The following KLF8 variants were observed in gnomAD, a reference collection of about 807,000 sequenced individuals.
KLF8 encodes KLF transcription factor 8.
KLF8 carries 10 observed loss-of-function variants against 18.2 expected under a neutral mutation model. The ratio of observed to expected loss-of-function variants is 0.55; its 90% CI spans 0.34 to 0.93. KLF8 has a LOEUF of 0.93. Among genes scored for constraint, KLF8 ranks in the 40% least tolerant of loss-of-function variants. The pLI is 0.02. For missense variants in KLF8, 264 were observed against 277.9 expected, an observed-to-expected ratio of 0.95 and a Z score of 0.36; for synonymous variants, 109 against 97.3, an observed-to-expected ratio of 1.12 and a Z score of -0.71.
At chrX:56,036,327 C>T in the KLF8 span, among the ~76,000 whole-genome samples, 2 of 111,434 alleles carry the variant, frequency 1.8e-5, no homozygotes, top group South Asian at 7.4e-4. Flanking sequence ...ACATTAAGGT[C>T]TCTGATCCAT....
At position 56,284,350 on chromosome X, in the gene KLF8, C is replaced by A; in HGVS notation, c.936C>A (p.Ser312=). The A allele has an allele frequency of 8.5e-7, 1 of 1,181,016 alleles. No individual in the cohort carries two copies. The highest frequency in any genetic ancestry group is 1.1e-6 in the Non-Finnish European group (1 of 880,543). ...ATAAATGCACCTGGGATGGCTGCTC[C>A]TGGAAATTTGCTCGCTCAGATGAGC... ...KPYKCTWDGC[S]WKFARSDELT... is the part of the protein sequence containing the mutation. The change falls in exon 6 of 6, where the codon TCC becomes TCA. Residue 312 remains serine, a synonymous_variant. Coordinates refer to ENST00000468660, the MANE Select transcript of KLF8 (RefSeq NM_007250.5).
the KLF8 span, among the ~76,000 whole-genome samples, chrX:56,146,942 G>A: frequency 8.9e-6 from 1 of 112,166 alleles, no homozygotes; most frequent in Non-Finnish European, 1.9e-5. Flanking sequence ...TGTACTCTAA[G>A]AACTTCCAAA....
At chrX:56,283,237 G>C (rs2067223597) in intron 5 of KLF8, among the ~76,000 whole-genome samples, 1 of 111,799 alleles carries the variant, frequency 8.9e-6, no homozygotes, top group Admixed American at 9.5e-5. Context: ...ATTTCAAAAA[G>C]TTTGACCTGA....
chrX:55,970,906 T>C, the KLF8 span, among the ~76,000 whole-genome samples: 1 of 111,223 alleles, frequency 9.0e-6, no homozygotes, highest in Non-Finnish European at 1.9e-5. Context: ...AGGAAAGAAA[T>C]TGAAGAGGAC....
chrX:56,011,385 G>C, the KLF8 span, among the ~76,000 whole-genome samples: 3 of 111,973 alleles, frequency 2.7e-5, no homozygotes, highest in African/African-American at 6.5e-5. Flanking sequence ...GGTAAATAAT[G>C]AAATTAAGGT....
the KLF8 span, among the ~76,000 whole-genome samples, chrX:56,109,709 T>A: frequency 1.8e-5 from 2 of 112,089 alleles, no homozygotes; most frequent in South Asian, 3.7e-4. Flanking sequence ...TCTTGTTAGA[T>A]TGACCTTTTA....
chrX:56,042,725 G>C, the KLF8 span, among the ~76,000 whole-genome samples: 1 of 111,559 alleles, frequency 9.0e-6, no homozygotes, highest in East Asian at 2.8e-4. Context: ...TTGAGCCTAT[G>C]TGTGTGTTTT....
At chrX:56,082,165 C>T in the KLF8 span, among the ~76,000 whole-genome samples, 1 of 111,756 alleles carries the variant, frequency 8.9e-6, no homozygotes, top group Non-Finnish European at 1.9e-5. Context: ...GCCATTTCGT[C>T]GTGATCTAGT....
At chrX:56,158,463 C>A in the KLF8 span, among the ~76,000 whole-genome samples, 1 of 111,878 alleles carries the variant, frequency 8.9e-6, no homozygotes, top group Non-Finnish European at 1.9e-5. Context: ...GGCATTGAAT[C>A]TATAAATTCC....
At chrX:56,178,289 G>T in the KLF8 span, among the ~76,000 whole-genome samples, 1 of 112,630 alleles carries the variant, frequency 8.9e-6, no homozygotes, top group East Asian at 2.8e-4. Flanking sequence ...CTTCTTTTTA[G>T]AAGTGTCTGT....
At chrX:56,023,199 A>T in the KLF8 span, among the ~76,000 whole-genome samples, 3 of 111,749 alleles carry the variant, frequency 2.7e-5, no homozygotes, top group African/African-American at 9.7e-5. Flanking sequence ...GAAACAAGGG[A>T]ATTAAGATGG....
At chrX:56,156,997 A>C in the KLF8 span, among the ~76,000 whole-genome samples, 503 of 109,443 alleles carry the variant, frequency 4.6e-3, 1 homozygote, top group African/African-American at 0.016. Context: ...ATGTCCAACA[A>C]TGATAGACTG....
upstream of KLF8, among the ~76,000 whole-genome samples, chrX:56,228,423 G>A (rs767037103): frequency 8.9e-6 from 1 of 111,930 alleles, no homozygotes; most frequent in South Asian, 3.8e-4. Context: ...TTGGAAAGGG[G>A]CGTAAAGCTT....
At chrX:56,056,767 T>C in the KLF8 span, among the ~76,000 whole-genome samples, 1 of 93,192 alleles carries the variant, frequency 1.1e-5, no homozygotes, top group Non-Finnish European at 2.1e-5. Context: ...ACCTGCACAA[T>C]GTGCACATGT....
At chrX:55,966,674 C>T in the KLF8 span, among the ~76,000 whole-genome samples, 7 of 111,688 alleles carry the variant, frequency 6.3e-5, no homozygotes, top group African/African-American at 2.0e-4. Context: ...GAAGCCCAGA[C>T]TGCAAAGACT....
Position 56,258,213 on chromosome X carries a change from T to C in KLF8, c.82-6967T>C, listed in dbSNP as rs766118674. ...ATAAGTAGTATTAGATAAAAATCTA[T>C]TGTACTTGTAATAAAAAATACTCTA... On this transcript the variant is annotated intron_variant, in intron 2 of 5. Transcript: ENST00000468660. 8.9e-5 allele frequency among the ~76,000 whole-genome samples: 10 copies of C among 112,609 alleles called. No individual in the cohort carries two copies. In the South Asian group the frequency reaches 3.3e-3, roughly 37 times the overall value.
the KLF8 span, among the ~76,000 whole-genome samples, chrX:55,993,024 T>C: frequency 9.0e-6 from 1 of 111,620 alleles, no homozygotes; most frequent in African/African-American, 3.3e-5. Flanking sequence ...GTTCTAGGTA[T>C]AGAATCACAT....
At chrX:56,160,569 G>C in the KLF8 span, among the ~76,000 whole-genome samples, 1 of 111,448 alleles carries the variant, frequency 9.0e-6, no homozygotes, top group Admixed American at 9.6e-5. Flanking sequence ...GAATCTGGGT[G>C]CTCCTGTATT....
chrX:56,105,023 T>C, the KLF8 span, among the ~76,000 whole-genome samples: 1 of 112,054 alleles, frequency 8.9e-6, no homozygotes, highest in East Asian at 2.8e-4. Context: ...AGTTGTGTGG[T>C]TTTGAGTGAG....
Sources: gnomAD v4.1 joint callset for allele counts (sites outside exome capture counted in the v4.1 genomes callset) on GRCh38, gnomAD v4.1.1 for gene constraint, MANE v1.5 for transcripts, NCBI Gene and HGNC (gene_info 2026-07-23, HGNC 2026-07-21) for gene names.